TBX15: variants seen among roughly 807,000 people sequenced by gnomAD.
TBX15 encodes T-box transcription factor 15.
Under a neutral mutation model 53.9 loss-of-function variants are expected in TBX15, and 18 were observed. That is an observed-to-expected ratio of 0.33 (90% CI 0.23 to 0.49). TBX15 has a LOEUF of 0.49. Ranked by LOEUF, TBX15 falls within the 20% of genes least tolerant of loss-of-function variation. TBX15 has a pLI of 0.98. For synonymous variants in TBX15, 295 were observed against 278.0 expected, an observed-to-expected ratio of 1.06 and a Z score of -0.61; for missense variants, 692 against 749.5, an observed-to-expected ratio of 0.92 and a Z score of 0.90.
chr1:118,967,461 C>T (rs985356103), intron 1 of TBX15, among the ~76,000 whole-genome samples: 1 of 152,142 alleles, frequency 6.6e-6, no homozygotes, highest in Non-Finnish European at 1.5e-5. Context: ...GTGTTTGCCA[C>T]CACTGAGCTA....
chr1:118,895,547 CTA>C (rs1185648648), intron 7 of TBX15, among the ~76,000 whole-genome samples: 1 of 152,088 alleles, frequency 6.6e-6, no homozygotes, highest in East Asian at 1.9e-4. Context: ...CCTTTTCCTT[CTA>C]TGTTTATATT....
In TBX15 at chr1:118,988,169, CT is replaced by C. The variant is rs1241295980; in HGVS notation, c.-375del. 5 of 219,324 alleles carry C rather than the reference CT, an allele frequency of 2.3e-5. No homozygotes were observed. In the South Asian group the frequency reaches 3.2e-4, roughly 14 times the overall value. 13.6% of individuals were successfully genotyped at this position (219,324 alleles called of 1,614,324 possible). A position where few individuals can be genotyped will look rare whatever the true frequency, so the allele number is the denominator to read the frequency against. ...CTCTCCTCTCTCTCTCTCTCTCTCT[CT>C]CCCCTCCCTCTCTTTTTCTCTCCTC... On this transcript the variant is annotated 5_prime_UTR_variant, in exon 1 of 8. Coordinates refer to ENST00000369429, the MANE Select transcript of TBX15 (RefSeq NM_001330677.2).
Position 118,926,570 on chromosome 1 carries a change from T to C in TBX15, c.461A>G (p.Asp154Gly). 6.2e-7 allele frequency: 1 copy of C among 1,613,974 alleles called. No individual in the cohort carries two copies. Among genetic ancestry groups the C allele is most frequent in the Non-Finnish European group, 8.5e-7 (1 of 1,179,914 alleles). ...TGCTATGTAGTACTGCTGATGTGGA[T>C]CTAGGCCAGTGATTTTCACTCTCAT... The part of the protein sequence containing the change: ...PAMRVKITGL[D>G]PHQQYYIAMD... Residue 154 changes from aspartate to glycine, a missense_variant, in exon 3 of 8, where the codon GAT (aspartate) becomes GGT (glycine). Around this residue, in one of 3 missense-constraint regions of TBX15, gnomAD observed 307 missense variants for 347.5 expected, o/e 0.88. Coordinates refer to ENST00000369429, the MANE Select transcript of TBX15 (RefSeq NM_001330677.2).
intron 1 of TBX15, among the ~76,000 whole-genome samples, chr1:118,941,553 A>G (rs1463052699): frequency 1.3e-5 from 2 of 152,204 alleles, no homozygotes; most frequent in Non-Finnish European, 2.9e-5. Flanking sequence ...TAAATATAAC[A>G]TGGCTGACAA....
chr1:118,950,308 C>T (rs10923704), intron 1 of TBX15, among the ~76,000 whole-genome samples: 26,793 of 152,160 alleles, frequency 0.18, 2,999 homozygotes, highest in East Asian at 0.5. Flanking sequence ...TCTTGTCTGA[C>T]TTGTGCTTCA....
intron 3 of TBX15, among the ~76,000 whole-genome samples, chr1:118,925,971 T>C (rs1403763995): frequency 6.6e-6 from 1 of 152,176 alleles, no homozygotes; most frequent in Non-Finnish European, 1.5e-5. Context: ...CTATGTTGGC[T>C]TTTAATCAGT....
At chr1:118,987,262 G>A (rs1448577827) in intron 1 of TBX15, among the ~76,000 whole-genome samples, 1 of 152,120 alleles carries the variant, frequency 6.6e-6, no homozygotes, top group Non-Finnish European at 1.5e-5. Flanking sequence ...CGTTGCCTTC[G>A]GCCCGCGCCC....
chr1:118,985,127 T>C (rs1657786549), intron 1 of TBX15, among the ~76,000 whole-genome samples: 1 of 152,124 alleles, frequency 6.6e-6, no homozygotes, highest in African/African-American at 2.4e-5. Context: ...GTGTGTTTCA[T>C]TCTTCCCGCA....
chr1:118,922,535 T>C (rs1369413213), intron 5 of TBX15, among the ~76,000 whole-genome samples: 1 of 152,062 alleles, frequency 6.6e-6, no homozygotes, highest in Non-Finnish European at 1.5e-5. Flanking sequence ...GAAACACAAG[T>C]TGAAAGAAAT....
At chr1:118,948,344 A>G (rs1656408260) in intron 1 of TBX15, among the ~76,000 whole-genome samples, 1 of 151,888 alleles carries the variant, frequency 6.6e-6, no homozygotes. Flanking sequence ...CTGCAGGATA[A>G]TTAGTATGGC....
intron 1 of TBX15, among the ~76,000 whole-genome samples, chr1:118,960,511 G>C (rs1656834682): frequency 6.6e-6 from 1 of 152,170 alleles, no homozygotes; most frequent in East Asian, 1.9e-4. Context: ...AAGCTTCCCA[G>C]GACCCAGAAG....
At chr1:118,906,062 C>T (rs1007646053) in intron 6 of TBX15, among the ~76,000 whole-genome samples, 7 of 152,106 alleles carry the variant, frequency 4.6e-5, no homozygotes, top group Non-Finnish European at 7.4e-5. Flanking sequence ...AGTGCATTGA[C>T]GTCATCAACT....
At position 118,885,010 on chromosome 1, in the gene TBX15, G is replaced by T. The variant is rs1571142089; in HGVS notation, c.1531C>A (p.Leu511Ile). The T allele has an allele frequency of 6.2e-7, 1 of 1,614,146 alleles. No individual in the cohort carries two copies. The highest frequency in any genetic ancestry group is 8.5e-7 in the Non-Finnish European group (1 of 1,180,030). ...MQQSSYNAFS[L>I]HNPYNLYGYN... ...CCATACAGGTTGTAAGGGTTGTGAA[G>T]GGAGAAGGCATTGTAGGAGCTCTGC... Residue 511 changes from leucine (L) to isoleucine (I), a missense_variant, in exon 8 of 8, where the codon CTT becomes ATT. Leu to Ile is a conservative substitution (Grantham distance 5). Around this residue, in one of 3 missense-constraint regions of TBX15, gnomAD observed 375 missense variants for 371.6 expected, o/e 1.01. Transcript: ENST00000369429.
chr1:118,960,494 C>T (rs1434290543), intron 1 of TBX15, among the ~76,000 whole-genome samples: 1 of 152,198 alleles, frequency 6.6e-6, no homozygotes, highest in Non-Finnish European at 1.5e-5. Context: ...TTGAGATCCA[C>T]AGCTGCAAGC....
chr1:118,911,246 G>A (rs1779416), intron 6 of TBX15, among the ~76,000 whole-genome samples: 98,288 of 152,030 alleles, frequency 0.65, 32,447 homozygotes, highest in Middle Eastern at 0.69. Flanking sequence ...TAGAGAAAGC[G>A]TAATTAAAGG....
Position 118,925,733 on chromosome 1 carries a change from C to A in TBX15, c.521+777G>T, listed in dbSNP as rs552632853. On this transcript the variant is annotated intron_variant, in intron 3 of 7. Coordinates refer to ENST00000369429, the MANE Select transcript of TBX15 (RefSeq NM_001330677.2). Reference sequence around the variant, plus strand: ...TTCTCCTAAGTCCTGAAATCCAGACCGTGTCTCTCTCAGCCATCTCTCTCC... The same window carrying A: ...TTCTCCTAAGTCCTGAAATCCAGACAGTGTCTCTCTCAGCCATCTCTCTCC... Among the ~76,000 whole-genome samples, 5 of 152,274 alleles carry A rather than the reference C, an allele frequency of 3.3e-5. No individual in the cohort carries two copies. The South Asian group carries it at 1.0e-3, about 32-fold the overall frequency.
chr1:118,931,914 T>A, intron 1 of TBX15, 82 bp from the exon 2 acceptor site: 1 of 1,376,108 alleles, frequency 7.3e-7, no homozygotes, highest in African/African-American at 1.4e-5. Flanking sequence ...GGGTGGGAAA[T>A]GCAATGAAGT....
At chr1:118,975,293 T>C (rs1657387608) in intron 1 of TBX15, among the ~76,000 whole-genome samples, 1 of 152,136 alleles carries the variant, frequency 6.6e-6, no homozygotes, top group South Asian at 2.1e-4. Context: ...CAAAAAGACC[T>C]TTACTAGCAG....
chr1:118,915,611 T>C (rs10923698), intron 5 of TBX15, among the ~76,000 whole-genome samples: 20,358 of 152,288 alleles, frequency 0.13, 1,556 homozygotes, highest in Middle Eastern at 0.29. Context: ...GCCATATGAA[T>C]ACTGTATTGA....
Sources: allele counts gnomAD v4.1 joint callset (sites outside exome capture counted in the v4.1 genomes callset), GRCh38; gene constraint gnomAD v4.1.1; regional missense constraint gnomAD v4.1.1; transcripts MANE v1.5; gene names NCBI Gene and HGNC (gene_info 2026-07-23, HGNC 2026-07-21).